The following WWOX variants were observed in gnomAD, a reference collection of about 807,000 sequenced individuals.
WWOX encodes WW domain-containing oxidoreductase.
Under a neutral mutation model 46.2 loss-of-function variants are expected in WWOX, and 69 were observed. The observed-to-expected ratio is 1.49, with a 90% CI of 1.23 to 1.82. The LOEUF (loss-of-function observed/expected upper bound fraction) is 1.82, where lower values mean the gene tolerates loss of function less well. Ranked by LOEUF, WWOX falls within the 40% of genes most tolerant of loss-of-function variation. The pLI is 0.00. For missense variants in WWOX, 919 were observed against 542.6 expected, an observed-to-expected ratio of 1.69 and a Z score of -6.89; for synonymous variants, 359 against 202.6, an observed-to-expected ratio of 1.77 and a Z score of -6.56.
chr16:78,384,738 C>G (rs1288428929), intron 5 of WWOX, among the ~76,000 whole-genome samples: 1 of 152,182 alleles, frequency 6.6e-6, no homozygotes, highest in East Asian at 1.9e-4. Flanking sequence ...CACTGTTACC[C>G]AAGACCAGGA....
At chr16:78,871,713 C>T (rs746345032) in intron 8 of WWOX, among the ~76,000 whole-genome samples, 1 of 152,212 alleles carries the variant, frequency 6.6e-6, no homozygotes, top group Non-Finnish European at 1.5e-5. Context: ...AATTCTCCTG[C>T]CTCAGCCTTC....
At chr16:78,937,326 G>C (rs1217442199) in intron 8 of WWOX, among the ~76,000 whole-genome samples, 1 of 151,710 alleles carries the variant, frequency 6.6e-6, no homozygotes, top group Non-Finnish European at 1.5e-5. Context: ...ATGCTAATTT[G>C]ATACAGGTGT....
intron 8 of WWOX, among the ~76,000 whole-genome samples, chr16:78,979,142 C>G (rs1428841966): frequency 6.8e-6 from 1 of 147,848 alleles, no homozygotes; most frequent in African/African-American, 2.5e-5. Context: ...TCTCGAATAT[C>G]ACTTGGGTCT....
At chr16:78,709,568 C>G (rs2048395274) in intron 8 of WWOX, among the ~76,000 whole-genome samples, 2 of 152,154 alleles carry the variant, frequency 1.3e-5, no homozygotes, top group Non-Finnish European at 2.9e-5. Flanking sequence ...ACTTGCCTGT[C>G]TGCACTGCCC....
At chr16:78,600,004 T>G (rs772234531) in intron 8 of WWOX, among the ~76,000 whole-genome samples, 1 of 152,006 alleles carries the variant, frequency 6.6e-6, no homozygotes, top group Non-Finnish European at 1.5e-5. Flanking sequence ...GACTCACAGC[T>G]CCACATGGCT....
intron 8 of WWOX, among the ~76,000 whole-genome samples, chr16:78,778,821 C>T (rs1047271156): frequency 2.0e-5 from 3 of 152,154 alleles, no homozygotes; most frequent in African/African-American, 4.8e-5. Context: ...GAACTGTGTT[C>T]GCCAGCTCGT....
At chr16:78,183,362 C>A (rs1249434268) in intron 5 of WWOX, among the ~76,000 whole-genome samples, 3 of 152,164 alleles carry the variant, frequency 2.0e-5, no homozygotes, top group Non-Finnish European at 2.9e-5. Context: ...TTTCTCATCA[C>A]TTTTGGGTGG....
intron 8 of WWOX, among the ~76,000 whole-genome samples, chr16:79,118,723 G>T (rs2049568267): frequency 6.6e-6 from 1 of 152,180 alleles, no homozygotes; most frequent in African/African-American, 2.4e-5. Context: ...CTGCCTTCCA[G>T]TCTTTTTACC....
chr16:78,999,476 A>G (rs1055581491), intron 8 of WWOX, among the ~76,000 whole-genome samples: 1 of 152,200 alleles, frequency 6.6e-6, no homozygotes, highest in Non-Finnish European at 1.5e-5. Context: ...TTCTCAAGAA[A>G]GAAGGAATAG....
intron 1 of WWOX, among the ~76,000 whole-genome samples, chr16:78,105,456 C>T (rs1413273327): frequency 1.6e-5 from 2 of 126,216 alleles, no homozygotes; most frequent in South Asian, 2.4e-4. Flanking sequence ...GAGACTCTGT[C>T]TCAAAAAAAA....
rs538032653 is a variant in WWOX at position 78,693,661 on chromosome 16, A to G, written c.1056+260909A>G. ...ACATTGTTGGTTGTGGTGCGGTGAC[A>G]TAACTATTGGCATCGAGTGGATGGA... On this transcript the variant is annotated intron_variant, in intron 8 of 8. Coordinates refer to ENST00000566780, the MANE Select transcript of WWOX (RefSeq NM_016373.4). Among the ~76,000 whole-genome samples the G allele has an allele frequency of 2.4e-3, 361 of 152,274 alleles. 2 individuals carry two copies. The highest frequency in any genetic ancestry group is 8.3e-3 in the African/African-American group (343 of 41,552).
intron 8 of WWOX, among the ~76,000 whole-genome samples, chr16:79,064,199 G>T (rs1159982860): frequency 6.6e-6 from 1 of 152,232 alleles, no homozygotes; most frequent in Non-Finnish European, 1.5e-5. Flanking sequence ...TTGTACAAGA[G>T]TGGGGTCCTT....
At chr16:78,216,966 G>T (rs1299252220) in intron 5 of WWOX, among the ~76,000 whole-genome samples, 1 of 152,160 alleles carries the variant, frequency 6.6e-6, no homozygotes, top group African/African-American at 2.4e-5. Context: ...CAAGTGATCT[G>T]CCTGCCTTGG....
intron 8 of WWOX, among the ~76,000 whole-genome samples, chr16:78,993,847 C>G (rs1216135936): frequency 2.0e-5 from 3 of 152,208 alleles, no homozygotes; most frequent in African/African-American, 7.2e-5. Context: ...CTGTTCTCCA[C>G]GGCGGAGCCC....
At chr16:78,328,832 T>TTTCTTTTC (rs76667839) in intron 5 of WWOX, among the ~76,000 whole-genome samples, 5 of 150,384 alleles carry the variant, frequency 3.3e-5, no homozygotes, top group African/African-American at 1.2e-4. Flanking sequence ...GTGTTTTTCT[T>TTTCTTTTC]TTTTCTTTTC....
chr16:78,401,365 A>T (rs965665522), intron 6 of WWOX, among the ~76,000 whole-genome samples: 1 of 152,244 alleles, frequency 6.6e-6, no homozygotes, highest in Non-Finnish European at 1.5e-5. Flanking sequence ...TCAGATATTG[A>T]GAATAAATTC....
intron 5 of WWOX, among the ~76,000 whole-genome samples, chr16:78,344,736 C>T (rs900571583): frequency 8.2e-6 from 1 of 122,078 alleles, no homozygotes; most frequent in African/African-American, 2.8e-5. Context: ...TCCATTCCAA[C>T]TTCCCAAGTC....
chr16:78,547,928 G>C (rs979198154), intron 8 of WWOX, among the ~76,000 whole-genome samples: 2 of 152,100 alleles, frequency 1.3e-5, no homozygotes, highest in African/African-American at 2.4e-5. Flanking sequence ...GAGATGGGCA[G>C]ATCACTTGAG....
chr16:78,497,142 C>T (rs933887691), intron 8 of WWOX, among the ~76,000 whole-genome samples: 1 of 152,208 alleles, frequency 6.6e-6, no homozygotes. Context: ...AGGTGTATGT[C>T]TGCTCATGCT....
Sources: allele counts gnomAD v4.1 joint callset (sites outside exome capture counted in the v4.1 genomes callset), GRCh38; gene constraint gnomAD v4.1.1; transcripts MANE v1.5; gene names NCBI Gene and HGNC (gene_info 2026-07-23, HGNC 2026-07-21).